TMEM45A: variants seen among roughly 807,000 people sequenced by gnomAD.
TMEM45A encodes the protein DNA polymerase-transactivated protein 4.
In TMEM45A, 25 loss-of-function variants were observed where a neutral mutation model predicts 32.0. The ratio of observed to expected loss-of-function variants is 0.78; its 90% CI spans 0.57 to 1.09. The LOEUF (loss-of-function observed/expected upper bound fraction) is 1.09, where lower values mean the gene tolerates loss of function less well. Ranked by LOEUF, TMEM45A falls within the 50% of genes least tolerant of loss-of-function variation. TMEM45A has a pLI of 0.00. For synonymous variants in TMEM45A, 122 were observed against 114.8 expected, an observed-to-expected ratio of 1.06 and a Z score of -0.40; for missense variants, 302 against 325.0, an observed-to-expected ratio of 0.93 and a Z score of 0.54.
chr3:100,506,646 T>G (rs1241063497), intron 1 of TMEM45A, among the ~76,000 whole-genome samples: 1 of 152,178 alleles, frequency 6.6e-6, no homozygotes, highest in African/African-American at 2.4e-5. Flanking sequence ...AAATATTTTT[T>G]CTGTGTTTGA....
At chr3:100,532,304 C>T (rs1309310672) in intron 1 of TMEM45A, among the ~76,000 whole-genome samples, 4 of 152,212 alleles carry the variant, frequency 2.6e-5, no homozygotes, top group Non-Finnish European at 4.4e-5. Context: ...GCATCTTTGG[C>T]TGGTTCCTTG....
intron 4 of TMEM45A, among the ~76,000 whole-genome samples, chr3:100,559,892 A>G (rs1237009468): frequency 6.6e-6 from 1 of 152,210 alleles, no homozygotes; most frequent in Non-Finnish European, 1.5e-5. Context: ...ACTAACTGCA[A>G]TGAAGCAAAA....
At chr3:100,504,597 C>T (rs1278837277) in intron 1 of TMEM45A, among the ~76,000 whole-genome samples, 1 of 152,212 alleles carries the variant, frequency 6.6e-6, no homozygotes, top group East Asian at 1.9e-4. Context: ...GGTCATCTGG[C>T]CCTGCCTGTA....
chr3:100,501,452 C>G (rs6788541), intron 1 of TMEM45A, among the ~76,000 whole-genome samples: 11,434 of 152,182 alleles, frequency 0.075, 1,452 homozygotes, highest in African/African-American at 0.26. Flanking sequence ...AGTTCCAAAC[C>G]CTCACAGGTG....
chr3:100,518,323 C>G (rs1203291660), intron 1 of TMEM45A, among the ~76,000 whole-genome samples: 1 of 152,166 alleles, frequency 6.6e-6, no homozygotes, highest in Non-Finnish European at 1.5e-5. Context: ...CTGTATGAAA[C>G]TGCTGTCCAT....
At chr3:100,555,664 G>A (rs1706205838) in intron 2 of TMEM45A, among the ~76,000 whole-genome samples, 1 of 152,140 alleles carries the variant, frequency 6.6e-6, no homozygotes, top group African/African-American at 2.4e-5. Context: ...ATTGGAGAAA[G>A]AGATTAGGCC....
At position 100,535,825 on chromosome 3, in the gene TMEM45A, T is replaced by C. The variant is rs142745408; in HGVS notation, c.-3-19384T>C. On this transcript the variant is annotated intron_variant, in intron 1 of 5. Transcript: ENST00000323523. The stretch of plus-strand genomic sequence containing the variant: ...TTTTTTCCAAATGATGTTCTGTTTG[T>C]TCTATTAGTTGCTGTACCTTATCTT... 3.2e-3 allele frequency among the ~76,000 whole-genome samples: 481 copies of C among 152,366 alleles called. 4 individuals carry two copies. Among genetic ancestry groups the C allele is most frequent in the Non-Finnish European group, 5.2e-3 (353 of 68,042 alleles).
intron 1 of TMEM45A, among the ~76,000 whole-genome samples, chr3:100,544,715 G>T (rs4928112): frequency 6.6e-6 from 1 of 151,932 alleles, no homozygotes; most frequent in Non-Finnish European, 1.5e-5. Context: ...TTATTGTGGA[G>T]ATGTATCATA....
chr3:100,532,647 T>C (rs1344235716), intron 1 of TMEM45A, among the ~76,000 whole-genome samples: 1 of 152,172 alleles, frequency 6.6e-6, no homozygotes, highest in Non-Finnish European at 1.5e-5. Context: ...TTGTTCTTGT[T>C]ATGGTTGTTA....
In TMEM45A at chr3:100,496,709, C is replaced by T. The variant is rs964968100; in HGVS notation, c.-4+3781C>T. 4.6e-5 allele frequency among the ~76,000 whole-genome samples: 7 copies of T among 152,224 alleles called. No homozygotes were observed. The East Asian group carries it at 1.3e-3, about 29-fold the overall frequency. ...ATGTGGATCTCATTGCAGGCATGCA[C>T]TCTGTCTTTTCACCTTGTTTGAACA... On this transcript the variant is annotated intron_variant, in intron 1 of 5. Coordinates refer to ENST00000323523, the MANE Select transcript of TMEM45A (RefSeq NM_018004.3).
At chr3:100,532,475 C>T (rs2148957738) in intron 1 of TMEM45A, among the ~76,000 whole-genome samples, 1 of 152,340 alleles carries the variant, frequency 6.6e-6, no homozygotes, top group South Asian at 2.1e-4. Context: ...CTCTGACTCT[C>T]TCAGGTGATG....
intron 1 of TMEM45A, among the ~76,000 whole-genome samples, chr3:100,538,581 G>A (rs1022247928): frequency 1.3e-5 from 2 of 152,030 alleles, no homozygotes; most frequent in African/African-American, 2.4e-5. Flanking sequence ...TGATAAAAGG[G>A]AATAAAAAGT....
chr3:100,531,782 A>G (rs1705653213), intron 1 of TMEM45A, among the ~76,000 whole-genome samples: 1 of 152,220 alleles, frequency 6.6e-6, no homozygotes, highest in South Asian at 2.1e-4. Context: ...AAAAGATGAT[A>G]CTTTGTAGCT....
chr3:100,511,766 A>T, intron 1 of TMEM45A, among the ~76,000 whole-genome samples: 1 of 151,822 alleles, frequency 6.6e-6, no homozygotes, highest in Admixed American at 6.6e-5. Context: ...TCAAAATAAA[A>T]GGATGGAGGA....
chr3:100,546,247 T>C (rs1468512004), intron 1 of TMEM45A, among the ~76,000 whole-genome samples: 2 of 152,350 alleles, frequency 1.3e-5, no homozygotes, highest in East Asian at 3.9e-4. Flanking sequence ...GCAGCTTTGC[T>C]GACACCTTGA....
intron 1 of TMEM45A, among the ~76,000 whole-genome samples, chr3:100,511,145 A>T (rs1467972406): frequency 6.6e-6 from 1 of 151,892 alleles, no homozygotes; most frequent in East Asian, 1.9e-4. Flanking sequence ...ACTCCTCGAG[A>T]AGAGCAACTC....
intron 1 of TMEM45A, among the ~76,000 whole-genome samples, chr3:100,543,950 C>T (rs1377639852): frequency 6.6e-6 from 1 of 152,022 alleles, no homozygotes; most frequent in Non-Finnish European, 1.5e-5. Context: ...ATAGCATTAC[C>T]TATTTCAGAG....
In TMEM45A at chr3:100,556,778, T is replaced by G. The variant is rs1386825563; in HGVS notation, c.209T>G (p.Phe70Cys). Residue 70 changes from phenylalanine (F) to cysteine (C), a missense_variant, in exon 3 of 6, where the codon TTT becomes TGT. Coordinates refer to ENST00000323523, the MANE Select transcript of TMEM45A (RefSeq NM_018004.3). ...MALTGMAGEQ[F>C]IPGGPHLMLY... ...TTGGCAGGCATGGCTGGGGAGCAGT[T>G]TATTCCTGGAGGGCCCCATCTGATG... 1 of 1,613,478 alleles carries G rather than the reference T, an allele frequency of 6.2e-7. No homozygotes were observed. Among genetic ancestry groups the G allele is most frequent in the Non-Finnish European group, 8.5e-7 (1 of 1,179,770 alleles).
intron 1 of TMEM45A, among the ~76,000 whole-genome samples, chr3:100,520,057 G>A (rs905228434): frequency 2.0e-5 from 3 of 152,032 alleles, no homozygotes; most frequent in Non-Finnish European, 4.4e-5. Flanking sequence ...TAAGGATTAA[G>A]CAGTGAAGAA....
Sources: gnomAD v4.1 joint callset for allele counts (sites outside exome capture counted in the v4.1 genomes callset) on GRCh38, gnomAD v4.1.1 for gene constraint, MANE v1.5 for transcripts, NCBI Gene and HGNC (gene_info 2026-07-23, HGNC 2026-07-21) for gene names.